The following RHBDL2 variants were observed in gnomAD, a reference collection of about 807,000 sequenced individuals.
RHBDL2 encodes rhomboid-related protein 2.
RHBDL2 carries 26 observed loss-of-function variants against 31.7 expected under a neutral mutation model. That is an observed-to-expected ratio of 0.82 (90% CI 0.60 to 1.14). The LOEUF (loss-of-function observed/expected upper bound fraction) is 1.14. Among genes scored for constraint, RHBDL2 ranks in the 50% most tolerant of loss-of-function variants. The probability of loss-of-function intolerance (pLI) is 0.00; values close to 1 mark genes in which losing one functional copy is unlikely to be tolerated. For synonymous variants in RHBDL2, 123 were observed against 127.2 expected (o/e 0.97, Z 0.22); for missense variants, 336 against 364.4 (o/e 0.92, Z 0.63).
chr1:38,891,924 G>A (rs1045282471), intron 6 of RHBDL2, among the ~76,000 whole-genome samples: 1 of 152,182 alleles, frequency 6.6e-6, no homozygotes, highest in African/African-American at 2.4e-5. Flanking sequence ...CCCTCCAGGT[G>A]GAGAGAACTT....
intron 5 of RHBDL2, among the ~76,000 whole-genome samples, chr1:38,894,712 T>C (rs1408314755): frequency 1.4e-5 from 2 of 143,620 alleles, no homozygotes; most frequent in Non-Finnish European, 3.1e-5. Context: ...TTTTTCTTTT[T>C]TTTTTTTTTT....
intron 5 of RHBDL2, 86 bp downstream of exon 5, chr1:38,895,883 A>G: frequency 1.2e-6 from 1 of 824,396 alleles, no homozygotes; most frequent in East Asian, 2.5e-5. Flanking sequence ...GTAAATATTG[A>G]TAAATGAAGG....
chr1:38,899,101 G>T (rs1020427246), intron 4 of RHBDL2, among the ~76,000 whole-genome samples: 6 of 152,118 alleles, frequency 3.9e-5, no homozygotes, highest in Non-Finnish European at 5.9e-5. Flanking sequence ...TGACTTCTAG[G>T]GATAATCCTT....
At chr1:38,923,373 G>A (rs183189440) in intron 1 of RHBDL2, among the ~76,000 whole-genome samples, 1 of 152,190 alleles carries the variant, frequency 6.6e-6, no homozygotes, top group Admixed American at 6.5e-5. Context: ...CTTCAGCGGG[G>A]TTGCTGTATT....
Position 38,897,528 on chromosome 1 carries a change from A to G in RHBDL2, c.509-1459T>C, listed in dbSNP as rs145004242. On this transcript the variant is annotated intron_variant, in intron 4 of 7. Transcript: ENST00000372990. ...CAGGAGTCTGAGACCAACCCGGGCC[A>G]CAGAGTGATATCCGTCTCCAAAAAT... Among the ~76,000 whole-genome samples the G allele has an allele frequency of 4.5e-4, 69 of 151,928 alleles. 1 individual carries two copies. In the East Asian group the frequency reaches 0.011, roughly 24 times the overall value.
intron 3 of RHBDL2, 40 bp from the exon 4 acceptor site, chr1:38,911,474 A>T (rs1436416831): frequency 2.2e-6 from 3 of 1,353,984 alleles, no homozygotes; most frequent in Admixed American, 1.7e-5. Flanking sequence ...TTATGACTAA[A>T]CCAAGCAGTT....
At chr1:38,904,196 C>T (rs1170029166) in intron 4 of RHBDL2, among the ~76,000 whole-genome samples, 2 of 152,070 alleles carry the variant, frequency 1.3e-5, no homozygotes, top group East Asian at 1.9e-4. Context: ...ACAGGCTGGG[C>T]GCAGTGGCTC....
intron 3 of RHBDL2, among the ~76,000 whole-genome samples, chr1:38,912,902 ATATATATATG>A (rs1218487949): frequency 2.7e-5 from 1 of 36,402 alleles, no homozygotes; most frequent in African/African-American, 6.6e-5. Flanking sequence ...ATATATATAT[ATATATATATG>A]TGTGTGTGTG....
At chr1:38,902,195 C>CTTTTTCTT (rs1642999728) in intron 4 of RHBDL2, among the ~76,000 whole-genome samples, 1 of 110,084 alleles carries the variant, frequency 9.1e-6, no homozygotes, top group African/African-American at 2.9e-5. Context: ...CTTCTTTTTT[C>CTTTTTCTT]TTTTTCTTTT....
chr1:38,929,323 G>A, intron 1 of RHBDL2: 1 of 1,092,262 alleles, frequency 9.2e-7, no homozygotes, highest in South Asian at 1.3e-5. Flanking sequence ...GAGGACTCTA[G>A]GTGGACACAA....
At chr1:38,931,259 C>T (rs148309047) in intron 1 of RHBDL2, among the ~76,000 whole-genome samples, 18 of 152,280 alleles carry the variant, frequency 1.2e-4, no homozygotes, top group Admixed American at 3.3e-4. Context: ...CTATGGCTCA[C>T]GCCTGTAATC....
At chr1:38,916,790 G>A (rs1212351520) in intron 2 of RHBDL2, among the ~76,000 whole-genome samples, 1 of 149,116 alleles carries the variant, frequency 6.7e-6, no homozygotes, top group African/African-American at 2.5e-5. Flanking sequence ...AGAATCACTT[G>A]ACCCTGGACA....
chr1:38,916,249 C>T (rs1643233689), intron 2 of RHBDL2, among the ~76,000 whole-genome samples: 1 of 152,144 alleles, frequency 6.6e-6, no homozygotes, highest in Non-Finnish European at 1.5e-5. Flanking sequence ...GGCCCTTCAC[C>T]TCCGTGGTAT....
chr1:38,899,151 A>G (rs1642957368), intron 4 of RHBDL2, among the ~76,000 whole-genome samples: 4 of 152,206 alleles, frequency 2.6e-5, no homozygotes, highest in Admixed American at 2.6e-4. Context: ...AACTGCTCTC[A>G]ATACAGAATT....
intron 4 of RHBDL2, 132 bp downstream of exon 4, chr1:38,911,190 A>T: frequency 1.7e-6 from 1 of 598,098 alleles, no homozygotes. Flanking sequence ...CTAAGGCTTA[A>T]TGTGTTCCCG....
intron 1 of RHBDL2, among the ~76,000 whole-genome samples, chr1:38,924,782 C>CT (rs111244874): frequency 0.065 from 8,177 of 125,804 alleles, 783 homozygotes; most frequent in African/African-American, 0.21. Context: ...TTTCTTTTTT[C>CT]TTTTTTTTTT....
At chr1:38,917,491 T>C (rs1204725854) in intron 2 of RHBDL2, among the ~76,000 whole-genome samples, 1 of 152,184 alleles carries the variant, frequency 6.6e-6, no homozygotes, top group Admixed American at 6.5e-5. Flanking sequence ...GCCTAGGCAA[T>C]TGAGGTTTGT....
intron 3 of RHBDL2, 137 bp downstream of exon 3, chr1:38,915,425 C>A (rs1643219141): frequency 3.8e-6 from 3 of 799,844 alleles, no homozygotes; most frequent in Admixed American, 5.3e-5. Context: ...ACAGTGGGAG[C>A]AATACCTACC....
chr1:38,905,609 T>A (rs1401766314), intron 4 of RHBDL2, among the ~76,000 whole-genome samples: 2 of 148,144 alleles, frequency 1.4e-5, no homozygotes, highest in Admixed American at 6.8e-5. Context: ...AAAAATTAGC[T>A]GGGTGTGGTA....
Sources: allele counts gnomAD v4.1 joint callset (sites outside exome capture counted in the v4.1 genomes callset), GRCh38; gene constraint gnomAD v4.1.1; transcripts MANE v1.5; gene names NCBI Gene and HGNC (gene_info 2026-07-23, HGNC 2026-07-21).